EYS: variants seen among roughly 807,000 people sequenced by gnomAD.
EYS encodes protein eyes shut homolog.
EYS carries 250 observed loss-of-function variants against 282.1 expected under a neutral mutation model. The ratio of observed to expected loss-of-function variants is 0.89; its 90% confidence interval spans 0.80 to 0.98. The LOEUF is 0.98. EYS is among the 50% of genes least tolerant of loss of function. The pLI, the probability that EYS is intolerant of heterozygous loss-of-function variation, is 0.00. For synonymous variants in EYS, 1,355 were observed against 1,282.9 expected, an observed-to-expected ratio of 1.06 and a Z score of -1.20; for missense variants, 4,016 against 3,709.0, an observed-to-expected ratio of 1.08 and a Z score of -2.15.
chr6:64,851,517 T>C (rs900025124), intron 19 of EYS, among the ~76,000 whole-genome samples: 2 of 152,096 alleles, frequency 1.3e-5, no homozygotes, highest in Admixed American at 6.6e-5. Flanking sequence ...TTAGATTAAA[T>C]TGTAGACTTA....
chr6:65,178,350 C>T (rs655550), intron 12 of EYS, among the ~76,000 whole-genome samples: 2,980 of 151,998 alleles, frequency 0.02, 71 homozygotes, highest in African/African-American at 0.065. Flanking sequence ...TCCTTTACTA[C>T]CCAGGCGCCA....
At chr6:64,085,330 ACGTGCG>A (rs1433679207) in intron 31 of EYS, among the ~76,000 whole-genome samples, 13 of 117,112 alleles carry the variant, frequency 1.1e-4, no homozygotes, top group South Asian at 8.3e-4. Flanking sequence ...GCGCGTGCGC[ACGTGCG>A]CGCGCACACA....
chr6:64,858,614 T>G (rs1206202969), intron 19 of EYS, among the ~76,000 whole-genome samples: 1 of 152,164 alleles, frequency 6.6e-6, no homozygotes, highest in African/African-American at 2.4e-5. Flanking sequence ...TTAAGATAAT[T>G]TTTTTATTTT....
intron 1 of EYS, among the ~76,000 whole-genome samples, chr6:65,643,067 C>A (rs146734738): frequency 6.6e-6 from 1 of 152,340 alleles, no homozygotes; most frequent in African/African-American, 2.4e-5. Context: ...CTACTGCAGG[C>A]TCCCTGAGAT....
chr6:64,677,455 T>C (rs1438601224), intron 22 of EYS, among the ~76,000 whole-genome samples: 1 of 152,212 alleles, frequency 6.6e-6, no homozygotes, highest in African/African-American at 2.4e-5. Context: ...AATTAAATCA[T>C]GTTAGCCACT....
At chr6:64,096,440 T>C (rs1300652550) in intron 31 of EYS, among the ~76,000 whole-genome samples, 2 of 152,180 alleles carry the variant, frequency 1.3e-5, no homozygotes, top group African/African-American at 4.8e-5. Flanking sequence ...CTTAGAGGCT[T>C]TGTTCATTTC....
At chr6:65,421,578 T>G (rs371069465) in intron 5 of EYS, among the ~76,000 whole-genome samples, 1 of 152,056 alleles carries the variant, frequency 6.6e-6, no homozygotes, top group African/African-American at 2.4e-5. Flanking sequence ...ATTCACAACT[T>G]GGCTAACTGT....
At chr6:64,822,342 T>C (rs1284651115) in intron 20 of EYS, among the ~76,000 whole-genome samples, 1 of 152,038 alleles carries the variant, frequency 6.6e-6, no homozygotes, top group African/African-American at 2.4e-5. Context: ...TAATAGAATG[T>C]CTCATCATCT....
chr6:63,851,140 C>T (rs57865233), intron 36 of EYS, among the ~76,000 whole-genome samples: 18,336 of 152,108 alleles, frequency 0.12, 1,333 homozygotes, highest in African/African-American at 0.19. Flanking sequence ...TAAATATATA[C>T]GCACCCAATA....
chr6:65,094,317 G>GAAAAAAAAAAAA (rs35028634), intron 12 of EYS, among the ~76,000 whole-genome samples: 4 of 73,808 alleles, frequency 5.4e-5, no homozygotes, highest in African/African-American at 5.5e-5. Flanking sequence ...ATATCTTAAC[G>GAAAAAAAAAAAA]AAAAAAAAAA....
At chr6:64,902,549 T>TA (rs768897817) in intron 16 of EYS, 49 bp from the exon 17 acceptor site, 3 of 1,144,566 alleles carry the variant, frequency 2.6e-6, no homozygotes, top group South Asian at 1.6e-5. Context: ...TGTTATAGAG[T>TA]AAAAAAATCA....
intron 26 of EYS, among the ~76,000 whole-genome samples, chr6:64,553,166 T>C (rs1348955464): frequency 6.6e-6 from 1 of 152,088 alleles, no homozygotes; most frequent in Non-Finnish European, 1.5e-5. Context: ...AGGTCACTTG[T>C]ATTTTGCTCA....
intron 5 of EYS, among the ~76,000 whole-genome samples, chr6:65,482,957 T>C (rs1196060597): frequency 1.3e-5 from 2 of 152,186 alleles, no homozygotes; most frequent in South Asian, 4.1e-4. Flanking sequence ...TAATAATGTA[T>C]AGCATAATAA....
chr6:64,605,511 T>C (rs1473867009), intron 24 of EYS, among the ~76,000 whole-genome samples: 2 of 151,874 alleles, frequency 1.3e-5, no homozygotes, highest in Non-Finnish European at 2.9e-5. Flanking sequence ...GTGTGACTAA[T>C]ATATATAGTT....
intron 35 of EYS, among the ~76,000 whole-genome samples, chr6:63,930,748 C>T (rs1764866167): frequency 6.6e-6 from 1 of 152,092 alleles, no homozygotes. Flanking sequence ...ATTGACCCCT[C>T]CAATACTGCA....
intron 29 of EYS, among the ~76,000 whole-genome samples, chr6:64,335,035 A>C (rs911350695): frequency 6.6e-6 from 1 of 152,220 alleles, no homozygotes; most frequent in East Asian, 1.9e-4. Flanking sequence ...CACCCGAATA[A>C]TGGTTCTGCA....
intron 5 of EYS, among the ~76,000 whole-genome samples, chr6:65,480,302 A>G (rs1000329815): frequency 5.3e-5 from 8 of 152,304 alleles, no homozygotes; most frequent in African/African-American, 1.9e-4. Context: ...ATAAAAAGAC[A>G]ACTTAAAAAT....
intron 2 of EYS, among the ~76,000 whole-genome samples, chr6:65,571,375 T>C (rs1764472203): frequency 6.6e-6 from 1 of 152,036 alleles, no homozygotes; most frequent in Admixed American, 6.6e-5. Context: ...CAGTGCCTTC[T>C]CCATAGATAA....
rs558217289 is a variant in EYS, at chr6:65,174,726, T to C, written c.2024-116999A>G. 7.8e-4 allele frequency among the ~76,000 whole-genome samples: 118 copies of C among 151,468 alleles called. 1 individual carries two copies. The highest frequency in any genetic ancestry group is 2.7e-3 in the African/African-American group (114 of 41,478). The stretch of plus-strand genomic sequence containing the variant: ...ACATTCTCTATGCTTGACTGATCCA[T>C]AAATTGTTGCAAATCATCTAAGTGA... On this transcript the variant is annotated intron_variant, in intron 12 of 42. Transcript: ENST00000503581.
Sources: gnomAD v4.1 joint callset for allele counts (sites outside exome capture counted in the v4.1 genomes callset) on GRCh38, gnomAD v4.1.1 for gene constraint, MANE v1.5 for transcripts, NCBI Gene and HGNC (gene_info 2026-07-23, HGNC 2026-07-21) for gene names.